Variants in ITIH3 observed in about 807,000 individuals in gnomAD.
ITIH3 encodes the protein inter-alpha-trypsin inhibitor heavy chain 3, also known as inter-alpha-trypsin inhibitor heavy chain H3.
In ITIH3, 81 loss-of-function variants were observed where a neutral mutation model predicts 96.5. The observed-to-expected ratio is 0.84, with a 90% CI of 0.70 to 1.01. The LOEUF (loss-of-function observed/expected upper bound fraction) is 1.01. Among genes scored for constraint, ITIH3 ranks in the 50% least tolerant of loss-of-function variants. The pLI, the probability that ITIH3 is intolerant of heterozygous loss-of-function variation, is 0.00. For missense variants in ITIH3, 1,057 were observed against 1,139.3 expected (o/e 0.93, Z 1.04); for synonymous variants, 422 against 445.2 (o/e 0.95, Z 0.66).
chr3:52,798,133 C>G (rs1311386172), intron 6 of ITIH3, among the ~76,000 whole-genome samples: 1 of 152,146 alleles, frequency 6.6e-6, no homozygotes, highest in Admixed American at 6.5e-5. Flanking sequence ...CTGACAATGA[C>G]CTGCCAGAGG....
At chr3:52,800,057 G>A in intron 9 of ITIH3, 136 bp downstream of exon 9, 1 of 768,788 alleles carries the variant, frequency 1.3e-6, no homozygotes, top group Non-Finnish European at 2.1e-6. Flanking sequence ...GGTGGGAGTG[G>A]ATGGTCCTCA....
rs1249222415 is a variant in ITIH3 at position 52,806,158 on chromosome 3, T to C, written c.1942+20T>C. ...ACTATGGTGAGTCCCTGGCTGCTCCTCGGGAAGGCTCAGGGGCCTGGGCAC... is the reference window on the plus strand; with the variant it reads ...ACTATGGTGAGTCCCTGGCTGCTCCCCGGGAAGGCTCAGGGGCCTGGGCAC... On this transcript the variant is annotated intron_variant, in intron 17 of 21. Transcript: ENST00000449956. 6.2e-7 allele frequency: 1 copy of C among 1,601,172 alleles called. No homozygotes were observed. The highest frequency in any genetic ancestry group is 2.3e-5 in the East Asian group (1 of 44,262).
At chr3:52,807,200 A>G in intron 19 of ITIH3, 95 bp downstream of exon 19, 2 of 1,093,264 alleles carry the variant, frequency 1.8e-6, no homozygotes, top group Non-Finnish European at 2.7e-6. Context: ...CAGGAGATCC[A>G]TGGGGGTCAC....
chr3:52,804,011 T>TG lies in ITIH3; in HGVS notation c.1864+6dup, dbSNP rs1402414504. The TG allele has an allele frequency of 6.2e-7, 1 of 1,611,758 alleles. No homozygotes were observed. Among genetic ancestry groups the TG allele is most frequent in the East Asian group, 2.2e-5 (1 of 44,782 alleles). On this transcript the variant is annotated splice_region_variant and intron_variant, in intron 14 of 21. Coordinates refer to ENST00000449956, the MANE Select transcript of ITIH3 (RefSeq NM_002217.4). ...CCATTGCCGACAAGCCTGGGGAAGGTGGGGATAGGGATGGAGGCCGGAACC... is the reference window on the plus strand; with the variant it reads ...CCATTGCCGACAAGCCTGGGGAAGGTGGGGGATAGGGATGGAGGCCGGAACC...
intron 2 of ITIH3, chr3:52,795,944 T>C: frequency 5.4e-6 from 2 of 367,720 alleles, no homozygotes; most frequent in Non-Finnish European, 9.8e-6. Flanking sequence ...CATCTTTATA[T>C]CCCTAGGGGG....
chr3:52,805,593 A>G, intron 15 of ITIH3: 1 of 1,375,812 alleles, frequency 7.3e-7, no homozygotes, highest in Non-Finnish European at 9.4e-7. Flanking sequence ...CCCTGCGCCA[A>G]CGTTAAAATC....
intron 15 of ITIH3, chr3:52,805,145 TG>T: frequency 3.8e-6 from 1 of 266,294 alleles, no homozygotes; most frequent in Non-Finnish European, 6.3e-6. Flanking sequence ...ATGGCCAAGC[TG>T]GTACTTAGGC....
Position 52,803,307 on chromosome 3 carries a change from TTTTATTTTATTATTA to T in ITIH3, c.1709+504_1709+518del, listed in dbSNP as rs1266411046. Among the ~76,000 whole-genome samples the T allele has an allele frequency of 7.5e-3, 908 of 120,796 alleles. 13 individuals carry two copies. The highest frequency in any genetic ancestry group is 0.044 in the African/African-American group (862 of 19,692). 79.2% of individuals were successfully genotyped at this position (120,796 alleles called of 152,430 possible). A position where few individuals can be genotyped will look rare whatever the true frequency, so the allele number is the denominator to read the frequency against. ...ATTTATTTATTTATTTATTTATTTATTTTATTTTATTATTATTATTTTTTTTTTTGAGACGGAGTC... is the reference window on the plus strand; with the variant it reads ...ATTTATTTATTTATTTATTTATTTATTTATTTTTTTTTTTGAGACGGAGTC... On this transcript the variant is annotated intron_variant, in intron 13 of 21. Coordinates refer to ENST00000449956, the MANE Select transcript of ITIH3 (RefSeq NM_002217.4).
In ITIH3 at chr3:52,797,157, G is replaced by A. The variant is rs759553851; in HGVS notation, c.439G>A (p.Gly147Ser). ...KFTVSVNVAA[G>S]SKVTFELTYE... ...CACAGTCTCGGTCAACGTGGCTGCA[G>A]GCAGCAAAGTCACCTTCGAGCTAAC... The change falls in exon 5 of 22, where the codon GGC becomes AGC. Residue 147 changes from glycine (G) to serine (S), a missense_variant. Gly to Ser is a moderately conservative substitution (Grantham distance 56). Coordinates refer to ENST00000449956, the MANE Select transcript of ITIH3 (RefSeq NM_002217.4). 6.2e-7 allele frequency: 1 copy of A among 1,609,830 alleles called. No homozygotes were observed. Among genetic ancestry groups the A allele is most frequent in the Middle Eastern group, 1.7e-4 (1 of 5,798 alleles).
rs939908144 is a variant in ITIH3, at chr3:52,802,238, T to C, written c.1384-96T>C. The C allele has an allele frequency of 3.1e-6, 4 of 1,309,336 alleles. 1 individual carries two copies. The highest frequency in any genetic ancestry group is 2.2e-5 in the Admixed American group (1 of 44,616). 81.1% of individuals were successfully genotyped at this position (1,309,336 alleles called of 1,614,324 possible). A position where few individuals can be genotyped will look rare whatever the true frequency, so the allele number is the denominator to read the frequency against. On this transcript the variant is annotated intron_variant, in intron 11 of 21. Transcript: ENST00000449956. ...AGGCAGAGTGAACATTAGGAGCCAT[T>C]AGGACGGGCCCAGCCCTGGGGCATG...
In ITIH3 at chr3:52,794,887, G is replaced by A; in HGVS notation, c.84G>A (p.Arg28=). ...AASGFPRSPF[R]LLGKRSLPEG... is the part of the protein sequence containing the mutation. The stretch of plus-strand genomic sequence containing the variant: ...CTGGCTTCCCGAGAAGCCCCTTTCG[G>A]CTGCTTGGGGTGAGTCTGCCCCCTC... Residue 28 remains arginine (R), a synonymous_variant, in exon 1 of 22, where the codon CGG becomes CGA. Transcript: ENST00000449956. The A allele has an allele frequency of 6.2e-7, 1 of 1,613,722 alleles. No individual in the cohort carries two copies.
At position 52,803,850 on chromosome 3, in the gene ITIH3, C is replaced by T. The variant is rs1236641707; in HGVS notation, c.1710-5C>T. 3 of 1,613,756 alleles carry T rather than the reference C, an allele frequency of 1.9e-6. No homozygotes were observed. Among genetic ancestry groups the T allele is most frequent in the African/African-American group, 2.7e-5 (2 of 74,962 alleles). On this transcript the variant is annotated splice_polypyrimidine_tract_variant and splice_region_variant and intron_variant, in intron 13 of 21. Transcript: ENST00000449956. ...GCTGTCCTCCTGACTGGCCCCTCCT[C>T]ACAGCAAGAACGCCCATGGCGAGGA...
rs529836877 is a variant in ITIH3 at position 52,804,687 on chromosome 3, T to TA, written c.1865-37dup. The TA allele has an allele frequency of 1.1e-3, 1,773 of 1,569,660 alleles. 9 individuals are homozygous for TA. Among genetic ancestry groups the TA allele is most frequent in the South Asian group, 4.7e-3 (403 of 85,240 alleles). On this transcript the variant is annotated intron_variant, in intron 14 of 21. Coordinates refer to ENST00000449956, the MANE Select transcript of ITIH3 (RefSeq NM_002217.4). ...CTGCTCACAAGTGCCCTATGGCTTC[T>TA]AATGCATTTCTCTTCTTCCTCCCTT...
chr3:52,798,665 G>A, intron 6 of ITIH3: 1 of 399,938 alleles, frequency 2.5e-6, no homozygotes, highest in African/African-American at 2.0e-5. Flanking sequence ...CCAAGAAAAA[G>A]GGAGCTGGAA....
At position 52,799,511 on chromosome 3, in the gene ITIH3, C is replaced by A. The variant is rs141881202; in HGVS notation, c.906+23C>A. 8.8e-4 allele frequency: 1,359 copies of A among 1,549,060 alleles called. 6 individuals carry two copies. Among genetic ancestry groups the A allele is most frequent in the African/African-American group, 7.6e-3 (551 of 72,860 alleles). On this transcript the variant is annotated intron_variant, in intron 8 of 21. Transcript: ENST00000449956. ...CAGGTAATCAGCACCAGTGGCACAG[C>A]CAGGGCTCGGGGTAGTAGGGGGTGG...
Position 52,800,575 on chromosome 3 carries a change from T to A in ITIH3, c.1113T>A (p.Ser371Arg). The A allele has an allele frequency of 6.4e-7, 1 of 1,563,180 alleles. No individual in the cohort carries two copies. ...NINDGLLRGI[S>R]MLNKAREEHR... is the part of the protein sequence containing the mutation. ...ATGACGGGCTGCTGAGGGGCATCAG[T>A]ATGCTGAACAAGGCCCGAGAGGAGC... The change falls in exon 10 of 22, where the codon AGT becomes AGA. Residue 371 changes from serine to arginine, a missense_variant. Transcript: ENST00000449956.
rs1181320416 is a variant in ITIH3 at position 52,804,711 on chromosome 3, T to C, written c.1865-15T>C. On this transcript the variant is annotated splice_polypyrimidine_tract_variant and intron_variant, in intron 14 of 21. Coordinates refer to ENST00000449956, the MANE Select transcript of ITIH3 (RefSeq NM_002217.4). ...CTAATGCATTTCTCTTCTTCCTCCC[T>C]TGCTGCACCTGCAGATGCAGAAGGT... is the stretch of plus-strand genomic sequence containing the variant. 6.3e-7 allele frequency: 1 copy of C among 1,581,752 alleles called. No homozygotes were observed. Among genetic ancestry groups the C allele is most frequent in the Admixed American group, 1.8e-5 (1 of 55,608 alleles).
intron 18 of ITIH3, 87 bp downstream of exon 18, chr3:52,806,493 C>A: frequency 1.0e-6 from 1 of 987,274 alleles, no homozygotes; most frequent in Non-Finnish European, 1.5e-6. Context: ...AACAGGTTCT[C>A]ACTCTGCCCA....
chr3:52,805,708 G>A, intron 15 of ITIH3, 100 bp from the exon 16 acceptor site: 1 of 1,563,594 alleles, frequency 6.4e-7, no homozygotes, highest in Non-Finnish European at 8.6e-7. Context: ...CAGTGTTGGG[G>A]CCCCTCTGGG....
Sources: allele counts gnomAD v4.1 joint callset (sites outside exome capture counted in the v4.1 genomes callset), GRCh38; gene constraint gnomAD v4.1.1; transcripts MANE v1.5; gene names NCBI Gene and HGNC (gene_info 2026-07-23, HGNC 2026-07-21).